Variants in SV2C observed in about 807,000 individuals in gnomAD.
SV2C encodes the protein solute carrier family 22 member B3.
Under a neutral mutation model 79.7 loss-of-function variants are expected in SV2C, and 49 were observed. That is an observed-to-expected ratio of 0.61 (90% CI 0.49 to 0.78). The LOEUF (loss-of-function observed/expected upper bound fraction) is 0.78. SV2C is among the 30% of genes least tolerant of loss of function. The pLI is 0.00. For synonymous variants in SV2C, 334 were observed against 333.2 expected (o/e 1.00, Z -0.03); for missense variants, 833 against 912.9 (o/e 0.91, Z 1.13).
the SV2C span, among the ~76,000 whole-genome samples, chr5:75,938,485 C>T: frequency 7.9e-5 from 12 of 152,030 alleles, no homozygotes; most frequent in African/African-American, 1.2e-4. Context: ...TTTACAAACA[C>T]GACTACACGG....
Position 76,325,006 on chromosome 5 carries a change from G to A in SV2C, c.2001-358G>A, listed in dbSNP as rs537212624. Among the ~76,000 whole-genome samples, 8 of 152,242 alleles carry A rather than the reference G, an allele frequency of 5.3e-5. No individual in the cohort carries two copies. The South Asian group carries it at 8.3e-4, about 16-fold the overall frequency. The stretch of plus-strand genomic sequence containing the variant: ...CCACTGCACTCCAGCCTGGGCAACC[G>A]AGCAAGACCTAATCTCTATAAAAAT... On this transcript the variant is annotated intron_variant, in intron 12 of 12. Transcript: ENST00000502798.
chr5:76,165,007 A>T (rs1406707728), intron 2 of SV2C, among the ~76,000 whole-genome samples: 1 of 140,152 alleles, frequency 7.1e-6, no homozygotes, highest in Non-Finnish European at 1.6e-5. Context: ...AAGAAAAAAA[A>T]GTCTGTACAT....
intron 1 of SV2C, among the ~76,000 whole-genome samples, chr5:76,123,277 C>T (rs1748592430): frequency 6.6e-6 from 1 of 152,194 alleles, no homozygotes; most frequent in Non-Finnish European, 1.5e-5. Context: ...GATGGATTCA[C>T]AGCCGAATTC....
chr5:75,894,713 A>C, the SV2C span, among the ~76,000 whole-genome samples: 488 of 152,272 alleles, frequency 3.2e-3, 5 homozygotes, highest in African/African-American at 0.011. Context: ...CAGTTTGACC[A>C]AACAGTAGCC....
the SV2C span, among the ~76,000 whole-genome samples, chr5:75,932,006 G>A: frequency 0.011 from 1,666 of 152,272 alleles, 29 homozygotes; most frequent in African/African-American, 0.035. Flanking sequence ...CCATACAGCA[G>A]CCATATTGTG....
At chr5:75,889,664 A>G in the SV2C span, among the ~76,000 whole-genome samples, 3 of 152,158 alleles carry the variant, frequency 2.0e-5, no homozygotes, top group African/African-American at 4.8e-5. Flanking sequence ...ATTCTGAGGC[A>G]CTGGGGTCAG....
the SV2C span, among the ~76,000 whole-genome samples, chr5:76,066,626 A>T: frequency 6.6e-6 from 1 of 152,064 alleles, no homozygotes; most frequent in Admixed American, 6.5e-5. Context: ...AGAAGAAAAA[A>T]AAAGAACCAG....
At chr5:75,978,947 A>C in the SV2C span, among the ~76,000 whole-genome samples, 3 of 151,980 alleles carry the variant, frequency 2.0e-5, no homozygotes, top group Non-Finnish European at 4.4e-5. Context: ...ATGCCACTGC[A>C]CTCCAGCCTG....
the SV2C span, among the ~76,000 whole-genome samples, chr5:76,029,763 C>T: frequency 2.0e-5 from 3 of 152,186 alleles, no homozygotes; most frequent in African/African-American, 7.2e-5. Flanking sequence ...TAAAAACATT[C>T]AGCTTAACCT....
intron 1 of SV2C, among the ~76,000 whole-genome samples, chr5:76,114,717 G>A (rs569281280): frequency 1.3e-5 from 2 of 152,306 alleles, no homozygotes; most frequent in Admixed American, 6.5e-5. Context: ...AAACACTGGG[G>A]GTGAGCCTTT....
At chr5:76,308,729 C>A (rs1748300117) in intron 12 of SV2C, among the ~76,000 whole-genome samples, 1 of 152,150 alleles carries the variant, frequency 6.6e-6, no homozygotes, top group African/African-American at 2.4e-5. Context: ...CCCAAGCTCC[C>A]TAGCAGTTCT....
At chr5:76,319,729 T>G (rs1748763620) in intron 12 of SV2C, among the ~76,000 whole-genome samples, 1 of 152,184 alleles carries the variant, frequency 6.6e-6, no homozygotes, top group Non-Finnish European at 1.5e-5. Context: ...GAGTACAGTT[T>G]CAGTGATACA....
chr5:76,136,638 C>T lies in SV2C; in HGVS notation c.580+4308C>T, dbSNP rs145250578. Among the ~76,000 whole-genome samples the T allele has an allele frequency of 1.3e-3, 205 of 152,172 alleles. 2 individuals carry two copies. Among genetic ancestry groups the T allele is most frequent in the African/African-American group, 4.4e-3 (182 of 41,504 alleles). On this transcript the variant is annotated intron_variant, in intron 2 of 12. Coordinates refer to ENST00000502798, the MANE Select transcript of SV2C (RefSeq NM_014979.4). ...TGATGAAAACTCATCTAGGAATTGACATTTAAACAGAGTTTTGAACCATGG... is the reference window on the plus strand; with the variant it reads ...TGATGAAAACTCATCTAGGAATTGATATTTAAACAGAGTTTTGAACCATGG...
the SV2C span, among the ~76,000 whole-genome samples, chr5:76,055,080 A>G: frequency 6.6e-6 from 1 of 152,128 alleles, no homozygotes; most frequent in Non-Finnish European, 1.5e-5. Context: ...GCCCATGCCT[A>G]TGTCCTGAAT....
intron 2 of SV2C, among the ~76,000 whole-genome samples, chr5:76,165,799 G>T (rs1743027773): frequency 6.6e-6 from 1 of 152,196 alleles, no homozygotes; most frequent in Admixed American, 6.5e-5. Flanking sequence ...TAGCTGAGTA[G>T]ATTCAGGAAC....
chr5:76,353,239 C>G (rs992737986), exon 13 of SV2C: 8 of 296,388 alleles, frequency 2.7e-5, no homozygotes, highest in Admixed American at 9.4e-5. Flanking sequence ...GCCACTGCAC[C>G]TGGCTTTCTT....
At chr5:76,228,696 C>T (rs1402120905) in intron 4 of SV2C, among the ~76,000 whole-genome samples, 2 of 152,174 alleles carry the variant, frequency 1.3e-5, no homozygotes, top group Admixed American at 6.5e-5. Context: ...GCATCCTGTA[C>T]TAATGTTTAT....
At chr5:75,938,189 C>G in the SV2C span, among the ~76,000 whole-genome samples, 2 of 152,262 alleles carry the variant, frequency 1.3e-5, no homozygotes, top group East Asian at 3.9e-4. Context: ...AGTTTATATA[C>G]AGTGGTAATT....
chr5:75,910,383 C>T, the SV2C span: 1 of 579,344 alleles, frequency 1.7e-6, no homozygotes, highest in South Asian at 1.4e-5. Flanking sequence ...TCATGACTAT[C>T]CCACTCACTG....
Sources: gnomAD v4.1 joint callset for allele counts (sites outside exome capture counted in the v4.1 genomes callset) on GRCh38, gnomAD v4.1.1 for gene constraint, MANE v1.5 for transcripts, NCBI Gene and HGNC (gene_info 2026-07-23, HGNC 2026-07-21) for gene names.